PCDHGA4: variants seen among roughly 807,000 people sequenced by gnomAD.
The protein encoded by PCDHGA4 is protocadherin gamma subfamily A, 4, also known as protocadherin gamma-A4.
A neutral mutation model predicts 54.6 loss-of-function variants in PCDHGA4; 38 were observed. The ratio of observed to expected loss-of-function variants is 0.70; its 90% confidence interval spans 0.54 to 0.91. PCDHGA4 has a LOEUF of 0.91. Ranked by LOEUF, PCDHGA4 falls within the 40% of genes least tolerant of loss-of-function variation. The probability of loss-of-function intolerance (pLI) is 0.00; values close to 1 mark genes in which losing one functional copy is unlikely to be tolerated. For missense variants in PCDHGA4, 1,298 were observed against 1,220.9 expected, an observed-to-expected ratio of 1.06 and a Z score of -0.94; for synonymous variants, 511 against 512.9, an observed-to-expected ratio of 1.00 and a Z score of 0.05.
rs547410815 is a variant in PCDHGA4 at position 141,418,658 on chromosome 5, A to T, written c.2514+61037A>T. ...CACCTCCATCCTGAGAGTGAAGGCC[A>T]CTGACCAGGACGAGGGCATCAACTC... is the stretch of plus-strand genomic sequence containing the variant. On this transcript the variant is annotated intron_variant, in intron 1 of 3. Transcript: ENST00000571252. 2.6e-4 allele frequency: 419 copies of T among 1,614,030 alleles called. 6 individuals carry two copies. The South Asian group carries it at 4.2e-3, about 16-fold the overall frequency.
intron 1 of PCDHGA4, among the ~76,000 whole-genome samples, chr5:141,380,225 C>T (rs1000476704): frequency 6.6e-6 from 1 of 152,124 alleles, no homozygotes; most frequent in Non-Finnish European, 1.5e-5. Context: ...TCTGATCAGG[C>T]TTCTGTTGAG....
In PCDHGA4 at chr5:141,399,285, C is replaced by T. The variant is rs751998465; in HGVS notation, c.2514+41664C>T. 3 of 1,613,720 alleles carry T rather than the reference C, an allele frequency of 1.9e-6. No homozygotes were observed. In the African/African-American group the frequency reaches 4.0e-5, roughly 22 times the overall value. ...TTAATTGTCAATTACAAGGCGAAGTCCCTTTTAAGATTATCTCTTCATCCA... is the reference window on the plus strand; with the variant it reads ...TTAATTGTCAATTACAAGGCGAAGTTCCTTTTAAGATTATCTCTTCATCCA... On this transcript the variant is annotated intron_variant, in intron 1 of 3. Coordinates refer to ENST00000571252, the MANE Select transcript of PCDHGA4 (RefSeq NM_018917.4).
chr5:141,409,690 A>T (rs778962490), intron 1 of PCDHGA4: 1 of 1,613,354 alleles, frequency 6.2e-7, no homozygotes, highest in South Asian at 1.1e-5. Context: ...CGAGTGACCT[A>T]GAGCCCCTGG....
chr5:141,409,508 A>G, intron 1 of PCDHGA4: 2 of 1,614,022 alleles, frequency 1.2e-6, no homozygotes, highest in Non-Finnish European at 1.7e-6. Context: ...TTCTTCCAGT[A>G]GAAGCATCAC....
In PCDHGA4 at chr5:141,432,612, C is replaced by T. The variant is rs752901891; in HGVS notation, c.2515-62195C>T. 1.9e-6 allele frequency: 3 copies of T among 1,613,912 alleles called. No individual in the cohort carries two copies. The highest frequency in any genetic ancestry group is 2.5e-6 in the Non-Finnish European group (3 of 1,179,970). On this transcript the variant is annotated intron_variant, in intron 1 of 3. Transcript: ENST00000571252. The surrounding 1 kb of genome is among the most constrained non-coding windows in gnomAD (Gnocchi z 6.0). ...AAGGCCAGCGAGCCGGGACTCTTCT[C>T]GGTGGGTCTGCACACGGGCGAGGTG...
chr5:141,436,207 A>G (rs544201723), intron 1 of PCDHGA4, among the ~76,000 whole-genome samples: 67 of 152,260 alleles, frequency 4.4e-4, no homozygotes, highest in Non-Finnish European at 7.9e-4. Flanking sequence ...ACATAATAGG[A>G]AAACAAATGA....
chr5:141,405,838 T>C (rs1561702145), intron 1 of PCDHGA4, among the ~76,000 whole-genome samples: 4 of 152,300 alleles, frequency 2.6e-5, no homozygotes, highest in Admixed American at 2.0e-4. Flanking sequence ...TAGTATAAGT[T>C]GATATCAGTG....
At chr5:141,428,174 G>A (rs962782246) in intron 1 of PCDHGA4, 3 of 1,515,246 alleles carry the variant, frequency 2.0e-6, no homozygotes, top group Non-Finnish European at 2.7e-6. Context: ...TGTGCGTGAC[G>A]GAGGACAGCC....
At position 141,390,023 on chromosome 5, in the gene PCDHGA4, G is replaced by C. The variant is rs2092020127; in HGVS notation, c.2514+32402G>C. ...TGATTCTGGCCATTGCCTTGCGCCT[G>C]CGACGCTCCTCCAGCCCCGCCTCCT... On this transcript the variant is annotated intron_variant, in intron 1 of 3. Transcript: ENST00000571252. The C allele has an allele frequency of 1.9e-6, 3 of 1,613,908 alleles. No individual in the cohort carries two copies. In the African/African-American group the frequency reaches 4.0e-5, roughly 22 times the overall value.
At chr5:141,384,391 G>C (rs759810331) in intron 1 of PCDHGA4, 24 of 1,613,920 alleles carry the variant, frequency 1.5e-5, no homozygotes, top group Non-Finnish European at 2.0e-5. Flanking sequence ...CACCATCCAG[G>C]GGGCTCCAGT....
chr5:141,419,275 G>A, intron 1 of PCDHGA4: 26 of 1,613,974 alleles, frequency 1.6e-5, no homozygotes, highest in Non-Finnish European at 2.2e-5. Flanking sequence ...CCTCCATAGC[G>A]CAAGTCAGTG....
At chr5:141,360,052 C>T in intron 1 of PCDHGA4, 1 of 1,436,126 alleles carries the variant, frequency 7.0e-7, no homozygotes, top group Non-Finnish European at 9.2e-7. Context: ...AAAACAAAAG[C>T]AGGAAAAGTG....
At position 141,413,888 on chromosome 5, in the gene PCDHGA4, A is replaced by G. The variant is rs777389288; in HGVS notation, c.2514+56267A>G. On this transcript the variant is annotated intron_variant, in intron 1 of 3. Transcript: ENST00000571252. Reference sequence around the variant, plus strand: ...GTCCTTGTCAGTGTGACTGTCTTCGATGCAAATGACAACGCGCCGGTCTTC... The same window carrying G: ...GTCCTTGTCAGTGTGACTGTCTTCGGTGCAAATGACAACGCGCCGGTCTTC... The G allele has an allele frequency of 2.5e-5, 40 of 1,613,256 alleles. No individual in the cohort carries two copies. Among genetic ancestry groups the G allele is most frequent in the Non-Finnish European group, 3.4e-5 (40 of 1,179,886 alleles).
At chr5:141,450,364 T>G (rs2098678485) in intron 1 of PCDHGA4, among the ~76,000 whole-genome samples, 1 of 152,188 alleles carries the variant, frequency 6.6e-6, no homozygotes, top group Admixed American at 6.5e-5. Flanking sequence ...TCCTCAGCCT[T>G]GTTTGTTTAT....
Position 141,383,339 on chromosome 5 carries a change from C to T in PCDHGA4, c.2514+25718C>T, listed in dbSNP as rs1244023518. ...AATGTAAAAATAATGGAGAATACAG[C>T]TCCTGGGGTTCGGTTTCCGTTAAGC... On this transcript the variant is annotated intron_variant, in intron 1 of 3. Transcript: ENST00000571252. The T allele has an allele frequency of 3.7e-6, 6 of 1,614,014 alleles. No homozygotes were observed. The highest frequency in any genetic ancestry group is 3.3e-5 in the Admixed American group (2 of 60,036).
At chr5:141,414,221 C>A in intron 1 of PCDHGA4, 1 of 1,613,126 alleles carries the variant, frequency 6.2e-7, no homozygotes, top group Non-Finnish European at 8.5e-7. Flanking sequence ...GACAACAGTC[C>A]AGAGCTGACC....
Position 141,432,970 on chromosome 5 carries a change from G to C in PCDHGA4, c.2515-61837G>C, listed in dbSNP as rs371130763. On this transcript the variant is annotated intron_variant, in intron 1 of 3. Transcript: ENST00000571252. This position sits in a 1 kb window ranked among gnomAD's most constrained non-coding sequence, Gnocchi z 6.0. ...GAGGCGGCTTGACAGGAGCGCCGGC[G>C]TCGCACTTTGTGGGCGTGGACGGGG... is the stretch of plus-strand genomic sequence containing the variant. 25 of 1,614,114 alleles carry C rather than the reference G, an allele frequency of 1.5e-5. No individual in the cohort carries two copies. Among genetic ancestry groups the C allele is most frequent in the African/African-American group, 1.1e-4 (8 of 75,054 alleles).
chr5:141,402,979 C>G (rs372858164), intron 1 of PCDHGA4: 9 of 1,608,716 alleles, frequency 5.6e-6, no homozygotes, highest in Non-Finnish European at 7.6e-6. Flanking sequence ...AATGCCAGCT[C>G]CGCGGAAGAT....
At chr5:141,399,095 T>G (rs1342683408) in intron 1 of PCDHGA4, 2 of 1,613,850 alleles carry the variant, frequency 1.2e-6, no homozygotes, top group East Asian at 2.2e-5. Context: ...GGTGGTGGAC[T>G]GGTTGCACAA....
Sources: gnomAD v4.1 joint callset for allele counts (sites outside exome capture counted in the v4.1 genomes callset) on GRCh38, gnomAD v4.1.1 for gene constraint, Gnocchi (gnomAD v3.1) non-coding constraint, MANE v1.5 for transcripts, NCBI Gene and HGNC (gene_info 2026-07-23, HGNC 2026-07-21) for gene names.